The following HIVEP3 variants were observed in gnomAD, a reference collection of about 807,000 sequenced individuals.
The protein encoded by HIVEP3 is HIVEP zinc finger 3, also known as transcription factor HIVEP3.
HIVEP3 carries 49 observed loss-of-function variants against 152.8 expected under a neutral mutation model. That is an observed-to-expected ratio of 0.32 (90% CI 0.26 to 0.41). HIVEP3 has a LOEUF of 0.41. HIVEP3 is among the 10% of genes least tolerant of loss of function. The probability of loss-of-function intolerance (pLI) is 1.00; values close to 1 mark genes in which losing one functional copy is unlikely to be tolerated. For synonymous variants in HIVEP3, 1,269 were observed against 1,289.0 expected (o/e 0.98, Z 0.33); for missense variants, 2,790 against 3,103.3 (o/e 0.90, Z 2.40).
At chr1:41,787,812 G>T (rs1649451730) in intron 1 of HIVEP3, among the ~76,000 whole-genome samples, 2 of 151,956 alleles carry the variant, frequency 1.3e-5, no homozygotes, top group South Asian at 4.2e-4. Flanking sequence ...TACAATTACA[G>T]GCGTAAGCCT....
intron 3 of HIVEP3, among the ~76,000 whole-genome samples, chr1:41,588,309 C>T (rs1480091465): frequency 2.0e-5 from 3 of 152,160 alleles, no homozygotes; most frequent in African/African-American, 7.2e-5. Flanking sequence ...CCCCAAAACA[C>T]CAGCTAGTGG....
intron 5 of HIVEP3, 136 bp downstream of exon 5, chr1:41,575,408 T>G (rs1367711858): frequency 9.2e-5 from 79 of 857,260 alleles, no homozygotes; most frequent in Non-Finnish European, 1.5e-5. Context: ...TGATGTCTGC[T>G]GAAAGGCATC....
chr1:41,786,374 G>A (rs907519935), intron 1 of HIVEP3, among the ~76,000 whole-genome samples: 2 of 152,114 alleles, frequency 1.3e-5, no homozygotes, highest in Non-Finnish European at 2.9e-5. Flanking sequence ...TCTGCTCAGG[G>A]CCTGCCCCAC....
At position 41,511,165 on chromosome 1, in the gene HIVEP3, C is replaced by T; in HGVS notation, c.6507G>A (p.Leu2169=). The T allele has an allele frequency of 2.5e-6, 4 of 1,614,160 alleles. No individual in the cohort carries two copies. Among genetic ancestry groups the T allele is most frequent in the Non-Finnish European group, 3.4e-6 (4 of 1,180,018 alleles). ...SALHDFHGHI[L]ARTEENIFSH... is the part of the protein sequence containing the mutation. ...TGAAGATGTTCTCCTCTGTCCGGGC[C>T]AGGATGTGGCCGTGGAAGTCATGGA... The change falls in exon 9 of 9, where the codon CTG becomes CTA. Residue 2169 remains leucine, a synonymous_variant. Transcript: ENST00000372583. The surrounding 1 kb of genome is among the most constrained non-coding windows in gnomAD (Gnocchi z 4.9).
intron 5 of HIVEP3, among the ~76,000 whole-genome samples, chr1:41,550,217 T>C (rs192387522): frequency 6.6e-6 from 1 of 152,352 alleles, no homozygotes; most frequent in African/African-American, 2.4e-5. Flanking sequence ...AGGCTTCTGT[T>C]CTGCTCCATT....
chr1:41,548,153 AG>A (rs1356320022), intron 5 of HIVEP3, among the ~76,000 whole-genome samples: 2 of 152,218 alleles, frequency 1.3e-5, no homozygotes, highest in Admixed American at 6.5e-5. Context: ...TGTGCAAAGC[AG>A]TCCAGGAGGT....
Position 41,511,799 on chromosome 1 carries a change from G to C in HIVEP3, c.6406-533C>G, listed in dbSNP as rs1642423845. ...TGGGTCATGGCAACACGGGGACAGA[G>C]AAGGTGTCGGAAGGGGGTCAGCTGA... On this transcript the variant is annotated intron_variant, in intron 8 of 8. Coordinates refer to ENST00000372583, the MANE Select transcript of HIVEP3 (RefSeq NM_024503.5). The surrounding 1 kb of genome is among the most constrained non-coding windows in gnomAD (Gnocchi z 4.9). Among the ~76,000 whole-genome samples, 1 of 152,220 alleles carries C rather than the reference G, an allele frequency of 6.6e-6. No homozygotes were observed.
intron 1 of HIVEP3, among the ~76,000 whole-genome samples, chr1:42,015,580 A>C (rs1042922183): frequency 6.6e-6 from 1 of 152,242 alleles, no homozygotes; most frequent in Non-Finnish European, 1.5e-5. Flanking sequence ...TCACCCCATT[A>C]GGAAGGGGCT....
intron 1 of HIVEP3, among the ~76,000 whole-genome samples, chr1:41,789,901 C>A (rs1649585552): frequency 6.6e-6 from 1 of 152,224 alleles, no homozygotes; most frequent in African/African-American, 2.4e-5. Flanking sequence ...TAAGTACACA[C>A]AAAAGCAGCT....
chr1:41,665,166 A>G (rs1008007060), intron 2 of HIVEP3, among the ~76,000 whole-genome samples: 3 of 152,154 alleles, frequency 2.0e-5, no homozygotes, highest in Admixed American at 6.5e-5. Flanking sequence ...CTCCAGCCTC[A>G]GAGCTCAGAG....
chr1:41,529,335 A>G (rs1010366663), intron 5 of HIVEP3, among the ~76,000 whole-genome samples: 2 of 104,392 alleles, frequency 1.9e-5, no homozygotes, highest in African/African-American at 7.7e-5. Context: ...ACACCCTCAC[A>G]TTCACACATG....
chr1:41,558,251 T>C (rs1248176163), intron 5 of HIVEP3, among the ~76,000 whole-genome samples: 6 of 152,104 alleles, frequency 3.9e-5, no homozygotes, highest in Admixed American at 2.0e-4. Flanking sequence ...GGACGGCCAG[T>C]CCTATCTGCA....
rs190435769 is a variant in HIVEP3 at position 41,627,571 on chromosome 1, C to T, written c.-522+1178G>A. 8.7e-4 allele frequency among the ~76,000 whole-genome samples: 133 copies of T among 152,284 alleles called. 2 individuals carry two copies. In the Middle Eastern group the frequency reaches 0.01, roughly 12 times the overall value. ...GCAGAGACACAGGCTCTAGCCACCC[C>T]GAAGTCCAGGCAGCAACAGCGATGC... is the stretch of plus-strand genomic sequence containing the variant. On this transcript the variant is annotated intron_variant, in intron 3 of 8. Transcript: ENST00000372583.
chr1:41,771,912 G>A (rs746803351), intron 1 of HIVEP3, among the ~76,000 whole-genome samples: 3 of 152,074 alleles, frequency 2.0e-5, no homozygotes, highest in East Asian at 1.9e-4. Context: ...TGATCCGCCC[G>A]CCTTGGCCTC....
chr1:41,510,784 G>C lies in HIVEP3; in HGVS notation c.6888C>G (p.Thr2296=), dbSNP rs200026565. Residue 2296 remains threonine, a synonymous_variant, in exon 9 of 9, where the codon ACC becomes ACG. Coordinates refer to ENST00000372583, the MANE Select transcript of HIVEP3 (RefSeq NM_024503.5). The part of the protein sequence containing the change: ...GRPPDWTPHG[T]GAPAEPTPTH... Reference sequence around the variant, plus strand: ...TGGGTGTGGGCTCTGCAGGTGCCCCGGTCCCATGGGGTGTCCAGTCAGGAG... The same window carrying C: ...TGGGTGTGGGCTCTGCAGGTGCCCCCGTCCCATGGGGTGTCCAGTCAGGAG... 3 of 1,607,382 alleles carry C rather than the reference G, an allele frequency of 1.9e-6. No individual in the cohort carries two copies. Among genetic ancestry groups the C allele is most frequent in the African/African-American group, 2.7e-5 (2 of 74,820 alleles).
chr1:41,639,225 T>C (rs550779797), intron 2 of HIVEP3, among the ~76,000 whole-genome samples: 38 of 152,258 alleles, frequency 2.5e-4, no homozygotes, highest in Admixed American at 4.6e-4. Context: ...GGCAGAATCA[T>C]ATGGAATAAT....
At position 41,874,920 on chromosome 1, in the gene HIVEP3, G is replaced by A. The variant is rs116666085; in HGVS notation, c.-801+43493C>T. ...AGCTGCTCACACACAACTTGGGCTG[G>A]CCTTGGTGCTGGCTCTGTCCTTTCT... is the stretch of plus-strand genomic sequence containing the variant. On this transcript the variant is annotated intron_variant, in intron 1 of 8. Coordinates refer to ENST00000372583, the MANE Select transcript of HIVEP3 (RefSeq NM_024503.5). 2.2e-3 allele frequency among the ~76,000 whole-genome samples: 342 copies of A among 152,294 alleles called. 1 individual carries two copies. The highest frequency in any genetic ancestry group is 7.9e-3 in the African/African-American group (327 of 41,556).
At chr1:41,733,282 C>G (rs1403387629) in intron 1 of HIVEP3, among the ~76,000 whole-genome samples, 1 of 152,180 alleles carries the variant, frequency 6.6e-6, no homozygotes, top group Non-Finnish European at 1.5e-5. Context: ...ATGGGATGTC[C>G]TTGGATTCTG....
intron 3 of HIVEP3, among the ~76,000 whole-genome samples, chr1:41,622,421 G>A (rs1005200352): frequency 6.6e-6 from 1 of 152,196 alleles, no homozygotes; most frequent in African/African-American, 2.4e-5. Context: ...GAGATAACGG[G>A]AACAGGCTGA....
Sources: gnomAD v4.1 joint callset for allele counts (sites outside exome capture counted in the v4.1 genomes callset) on GRCh38, gnomAD v4.1.1 for gene constraint, Gnocchi (gnomAD v3.1) non-coding constraint, MANE v1.5 for transcripts, NCBI Gene and HGNC (gene_info 2026-07-23, HGNC 2026-07-21) for gene names.